Variants in LNX1 observed in about 807,000 individuals in gnomAD.
LNX1 encodes E3 ubiquitin-protein ligase LNX.
A neutral mutation model predicts 68.4 loss-of-function variants in LNX1; 54 were observed. That is an observed-to-expected ratio of 0.79 (90% CI 0.63 to 0.99). The LOEUF (loss-of-function observed/expected upper bound fraction) is 0.99, where lower values mean the gene tolerates loss of function less well. Ranked by LOEUF, LNX1 falls within the 50% of genes least tolerant of loss-of-function variation. The probability of loss-of-function intolerance (pLI) is 0.00; values close to 1 mark genes in which losing one functional copy is unlikely to be tolerated. For synonymous variants in LNX1, 336 were observed against 350.0 expected, an observed-to-expected ratio of 0.96 and a Z score of 0.45; for missense variants, 906 against 926.4, an observed-to-expected ratio of 0.98 and a Z score of 0.29.
chr4:53,546,400 C>T (rs1266389883), intron 2 of LNX1, among the ~76,000 whole-genome samples: 1 of 152,194 alleles, frequency 6.6e-6, no homozygotes, highest in Non-Finnish European at 1.5e-5. Context: ...ACTTGCCACA[C>T]TGTGTCACCT....
intron 2 of LNX1, among the ~76,000 whole-genome samples, chr4:53,553,450 C>T (rs556147822): frequency 6.6e-6 from 1 of 152,186 alleles, no homozygotes; most frequent in South Asian, 2.1e-4. Flanking sequence ...AAACAAACTC[C>T]ACCCCTACTT....
intron 1 of LNX1, among the ~76,000 whole-genome samples, chr4:53,585,664 A>G (rs117908527): frequency 6.6e-6 from 1 of 152,262 alleles, no homozygotes; most frequent in East Asian, 1.9e-4. Flanking sequence ...ATGTGAGGAG[A>G]GAGGCAGAGA....
intron 1 of LNX1, among the ~76,000 whole-genome samples, chr4:53,625,757 C>T (rs1371117772): frequency 3.3e-5 from 5 of 152,036 alleles, no homozygotes; most frequent in Admixed American, 1.3e-4. Context: ...TAGTAAGCCA[C>T]GACTGCATCA....
At chr4:53,464,984 T>G (rs1196541761) in intron 9 of LNX1, among the ~76,000 whole-genome samples, 2 of 152,134 alleles carry the variant, frequency 1.3e-5, no homozygotes, top group African/African-American at 2.4e-5. Flanking sequence ...TGATGATAAC[T>G]TTTGCAGCTG....
In LNX1 at chr4:53,599,802, A is replaced by G. The variant is rs184145217; in HGVS notation, c.-214-8287T>C. 2.4e-3 allele frequency among the ~76,000 whole-genome samples: 364 copies of G among 152,176 alleles called. 1 individual carries two copies. The highest frequency in any genetic ancestry group is 8.3e-3 in the African/African-American group (344 of 41,528). On this transcript the variant is annotated intron_variant, in intron 2 of 3. Coordinates refer to the LNX1 transcript ENST00000504299. ...ATGTATGTCACCCGAGAAAACCTAT[A>G]CCTCTTATAGCTTTAGAATTTGCAC... is the stretch of plus-strand genomic sequence containing the variant.
rs78519493 is a variant in LNX1 at position 53,572,028 on chromosome 4, C to T, written c.380+1595G>A. Among the ~76,000 whole-genome samples, 796 of 152,218 alleles carry T rather than the reference C, an allele frequency of 5.2e-3. 9 individuals are homozygous for T. The highest frequency in any genetic ancestry group is 0.018 in the African/African-American group (727 of 41,528). ...CAGCAACAAGAAATGAACACAGCTC[C>T]CCAGCACAAATGTATAATTGCAACA... On this transcript the variant is annotated intron_variant, in intron 2 of 10. Transcript: ENST00000263925.
At chr4:53,583,531 T>C (rs1395051663) in intron 1 of LNX1, among the ~76,000 whole-genome samples, 1 of 150,294 alleles carries the variant, frequency 6.7e-6, no homozygotes, top group Non-Finnish European at 1.5e-5. Flanking sequence ...CTGTATAGTA[T>C]TGCAAACACC....
chr4:53,533,688 C>G (rs994666954), intron 2 of LNX1, among the ~76,000 whole-genome samples: 2 of 152,248 alleles, frequency 1.3e-5, no homozygotes, highest in Non-Finnish European at 2.9e-5. Context: ...GCATGAAACA[C>G]TGTACCCAGC....
intron 5 of LNX1, among the ~76,000 whole-genome samples, chr4:53,497,408 C>T (rs1472138330): frequency 6.6e-6 from 1 of 152,206 alleles, no homozygotes; most frequent in Non-Finnish European, 1.5e-5. Flanking sequence ...ATGGGCTTTA[C>T]AAAGGCCTTT....
Position 53,460,717 on chromosome 4 carries a change from C to A in LNX1, c.*190G>T, listed in dbSNP as rs1406753800. The A allele has an allele frequency of 5.6e-6, 3 of 537,898 alleles. No individual in the cohort carries two copies. The highest frequency in any genetic ancestry group is 5.0e-4 in the Middle Eastern group (1 of 2,012). 33.3% of individuals were successfully genotyped at this position (537,898 alleles called of 1,614,324 possible). A position where few individuals can be genotyped will look rare whatever the true frequency, so the allele number is the denominator to read the frequency against. On this transcript the variant is annotated 3_prime_UTR_variant, in exon 11 of 11. Transcript: ENST00000263925. ...AGAAATCCTCCACACTGAAAAAAAACTAGTAGTTTTAATTTTTTTGGAATC... is the reference window on the plus strand; with the variant it reads ...AGAAATCCTCCACACTGAAAAAAAAATAGTAGTTTTAATTTTTTTGGAATC...
intron 2 of LNX1, among the ~76,000 whole-genome samples, chr4:53,560,994 C>A (rs1416685518): frequency 3.9e-5 from 6 of 152,174 alleles, no homozygotes; most frequent in Admixed American, 6.5e-5. Flanking sequence ...CCTGGCTGTC[C>A]TGTTTATCCT....
chr4:53,632,927 A>G lies in LNX1; in HGVS notation c.-215+19241T>C, dbSNP rs1734330408. 2.0e-5 allele frequency among the ~76,000 whole-genome samples: 3 copies of G among 152,336 alleles called. No homozygotes were observed. In the South Asian group the frequency reaches 6.2e-4, roughly 32 times the overall value. The stretch of plus-strand genomic sequence containing the variant: ...CCTCCTGATTACACTTCCTCAAGAT[A>G]TATCCTATGTACAAGAATCCTTTTG... On this transcript the variant is annotated intron_variant, in intron 1 of 2. Coordinates refer to the LNX1 transcript ENST00000507168.
chr4:53,610,103 T>C (rs147573162), intron 2 of LNX1, among the ~76,000 whole-genome samples: 1 of 152,210 alleles, frequency 6.6e-6, no homozygotes, highest in East Asian at 1.9e-4. Context: ...TCCATATTCC[T>C]GATCTAAAGT....
At chr4:53,471,023 G>T (rs74366481) in intron 9 of LNX1, among the ~76,000 whole-genome samples, 44,329 of 77,328 alleles carry the variant, frequency 0.57, 14,194 homozygotes, top group Middle Eastern at 0.68. Flanking sequence ...AAAAGAGCCC[G>T]CATTGCCAAG....
chr4:53,478,690 T>C lies in LNX1; in HGVS notation c.1538A>G (p.Asp513Gly), dbSNP rs1207807219. The change falls in exon 8 of 11, where the codon GAC becomes GGC. Residue 513 changes from aspartate (D) to glycine (G), a missense_variant. Coordinates refer to ENST00000263925, the MANE Select transcript of LNX1 (RefSeq NM_001126328.3). ...GGTCATGCCGAGAGATTCACCGGGG[T>C]CTTTTTGGATATTTACCACCTTCTC... is the stretch of plus-strand genomic sequence containing the variant. ...CHEKVVNIQK[D>G]PGESLGMTVA... 1.5e-5 allele frequency: 24 copies of C among 1,613,908 alleles called. No homozygotes were observed. Among genetic ancestry groups the C allele is most frequent in the Non-Finnish European group, 1.9e-5 (23 of 1,179,938 alleles).
intron 4 of LNX1, 29 bp downstream of exon 4, chr4:53,507,288 C>T (rs774105742): frequency 6.2e-7 from 1 of 1,605,428 alleles, no homozygotes; most frequent in East Asian, 2.2e-5. Flanking sequence ...CAGCCCATGT[C>T]CATCCAGCCT....
At chr4:53,629,685 T>G (rs1734197938) in intron 1 of LNX1, among the ~76,000 whole-genome samples, 1 of 152,184 alleles carries the variant, frequency 6.6e-6, no homozygotes, top group Non-Finnish European at 1.5e-5. Flanking sequence ...AAGACACTCC[T>G]GCTCTGTGTT....
chr4:53,501,579 A>G (rs1215345264), intron 4 of LNX1, among the ~76,000 whole-genome samples: 4 of 152,166 alleles, frequency 2.6e-5, no homozygotes, highest in Admixed American at 2.6e-4. Flanking sequence ...CACCATGCCC[A>G]GACCCATCTC....
At chr4:53,519,218 C>T (rs113223124) in intron 2 of LNX1, among the ~76,000 whole-genome samples, 2 of 152,216 alleles carry the variant, frequency 1.3e-5, no homozygotes, top group African/African-American at 4.8e-5. Context: ...AGTGTGCGGG[C>T]ACCTCCAGGT....
Sources: gnomAD v4.1 joint callset for allele counts (sites outside exome capture counted in the v4.1 genomes callset) on GRCh38, gnomAD v4.1.1 for gene constraint, MANE v1.5 for transcripts, NCBI Gene and HGNC (gene_info 2026-07-23, HGNC 2026-07-21) for gene names.